The following KCNS3 variants were observed in gnomAD, a reference collection of about 807,000 sequenced individuals.
The protein encoded by KCNS3 is potassium voltage-gated channel modifier subfamily S member 3.
A neutral mutation model predicts 31.0 loss-of-function variants in KCNS3; 13 were observed. That is an observed-to-expected ratio of 0.42 (90% CI 0.27 to 0.67). The LOEUF (loss-of-function observed/expected upper bound fraction) is 0.67, where lower values mean the gene tolerates loss of function less well. Ranked by LOEUF, KCNS3 falls within the 30% of genes least tolerant of loss-of-function variation. The pLI is 0.25. For synonymous variants in KCNS3, 238 were observed against 241.5 expected, an observed-to-expected ratio of 0.99 and a Z score of 0.13; for missense variants, 545 against 622.4, an observed-to-expected ratio of 0.88 and a Z score of 1.32.
At chr2:17,929,763 G>T (rs1206029046) in intron 2 of KCNS3, among the ~76,000 whole-genome samples, 2 of 152,182 alleles carry the variant, frequency 1.3e-5, no homozygotes, top group African/African-American at 4.8e-5. Context: ...AGAAGGTGGG[G>T]GAAGTCTATG....
chr2:17,886,703 TCCATCC>T (rs1284636739), intron 1 of KCNS3, among the ~76,000 whole-genome samples: 1 of 150,942 alleles, frequency 6.6e-6, no homozygotes, highest in African/African-American at 2.4e-5. Flanking sequence ...CATCCATCCA[TCCATCC>T]ATCCATCCCA....
chr2:17,899,351 A>T (rs954020620), intron 1 of KCNS3, among the ~76,000 whole-genome samples: 1 of 152,176 alleles, frequency 6.6e-6, no homozygotes, highest in African/African-American at 2.4e-5. Flanking sequence ...TATTTCTTAT[A>T]ATCAAATTTT....
chr2:17,919,682 C>A (rs1274855265), intron 2 of KCNS3: 1 of 152,268 alleles, frequency 6.6e-6, no homozygotes, highest in Non-Finnish European at 1.5e-5. Context: ...TGTTGTCCAA[C>A]TGTGGCCCAT....
chr2:17,923,990 G>A (rs769633686), intron 2 of KCNS3, among the ~76,000 whole-genome samples: 5 of 151,822 alleles, frequency 3.3e-5, no homozygotes, highest in South Asian at 2.1e-4. Flanking sequence ...CTTTCAATCC[G>A]TGAACATTGG....
intron 1 of KCNS3, among the ~76,000 whole-genome samples, chr2:17,902,239 G>A (rs1018850513): frequency 2.0e-5 from 3 of 152,036 alleles, no homozygotes; most frequent in Admixed American, 6.6e-5. Flanking sequence ...TTAAAAATGG[G>A]GTATTAGGTC....
chr2:17,906,997 C>T (rs1361811705), intron 1 of KCNS3, among the ~76,000 whole-genome samples: 1 of 152,144 alleles, frequency 6.6e-6, no homozygotes, highest in Non-Finnish European at 1.5e-5. Flanking sequence ...GAGCTGAGTT[C>T]AATTCCTGGA....
At chr2:17,928,442 T>C (rs1662884073) in intron 2 of KCNS3, among the ~76,000 whole-genome samples, 1 of 152,200 alleles carries the variant, frequency 6.6e-6, no homozygotes, top group African/African-American at 2.4e-5. Context: ...AATTTTTGTA[T>C]TTTTTGTAGA....
intron 1 of KCNS3, among the ~76,000 whole-genome samples, chr2:17,915,640 A>T (rs933708327): frequency 2.6e-5 from 4 of 152,206 alleles, no homozygotes; most frequent in Non-Finnish European, 5.9e-5. Context: ...AATACCACTT[A>T]TAATGGCTGA....
rs79269185 is a variant in KCNS3 at position 17,915,275 on chromosome 2, A to G, written c.-251-2405A>G. On this transcript the variant is annotated intron_variant, in intron 1 of 2. Coordinates refer to ENST00000304101, the MANE Select transcript of KCNS3 (RefSeq NM_002252.5). ...CAAAGTCAGAAACCTGTTAAGTGCT[A>G]AGTCACAAACAATGCTCTCTTCTTT... Among the ~76,000 whole-genome samples the G allele has an allele frequency of 2.0e-4, 30 of 152,350 alleles. No individual in the cohort carries two copies. The East Asian group carries it at 5.4e-3, about 27-fold the overall frequency.
intron 1 of KCNS3, among the ~76,000 whole-genome samples, chr2:17,896,975 G>A (rs1298672702): frequency 2.0e-5 from 3 of 152,096 alleles, no homozygotes; most frequent in Non-Finnish European, 4.4e-5. Flanking sequence ...TTTGGGGTAT[G>A]ATGGGACCAG....
chr2:17,888,684 T>G (rs1331690967), intron 1 of KCNS3, among the ~76,000 whole-genome samples: 1 of 130,340 alleles, frequency 7.7e-6, no homozygotes, highest in East Asian at 2.2e-4. Context: ...AAGAAAAGGG[T>G]GTTCTTTCCC....
chr2:17,924,539 A>G (rs1662792875), intron 2 of KCNS3, among the ~76,000 whole-genome samples: 1 of 151,936 alleles, frequency 6.6e-6, no homozygotes, highest in African/African-American at 2.4e-5. Flanking sequence ...TTCTATTCTT[A>G]GTTTTTGAGT....
At chr2:17,925,182 A>T (rs937382025) in intron 2 of KCNS3, among the ~76,000 whole-genome samples, 3 of 152,300 alleles carry the variant, frequency 2.0e-5, no homozygotes, top group African/African-American at 7.2e-5. Context: ...ATGAGTTCAG[A>T]CCATGATGAG....
At position 17,881,675 on chromosome 2, in the gene KCNS3, C is replaced by T. The variant is rs182873441; in HGVS notation, c.-252+2869C>T. ...AAAAGGTGAAGCTAGGATTCTATCCCTTGCAGTCTGACTGCAGAGCCACTG... is the reference window on the plus strand; with the variant it reads ...AAAAGGTGAAGCTAGGATTCTATCCTTTGCAGTCTGACTGCAGAGCCACTG... On this transcript the variant is annotated intron_variant, in intron 1 of 2. Transcript: ENST00000304101. Among the ~76,000 whole-genome samples the T allele has an allele frequency of 5.1e-4, 78 of 152,320 alleles. 1 individual carries two copies. The highest frequency in any genetic ancestry group is 1.4e-3 in the Admixed American group (21 of 15,302).
intron 1 of KCNS3, among the ~76,000 whole-genome samples, chr2:17,915,764 T>C (rs757754863): frequency 6.6e-6 from 1 of 152,182 alleles, no homozygotes; most frequent in Non-Finnish European, 1.5e-5. Flanking sequence ...GTGAATGCTC[T>C]TAGAGAGGTG....
intron 1 of KCNS3, among the ~76,000 whole-genome samples, chr2:17,898,266 A>G (rs1224449737): frequency 7.0e-6 from 1 of 142,416 alleles, no homozygotes; most frequent in Non-Finnish European, 1.5e-5. Context: ...TTTTTTGCTT[A>G]AGATTGCTTT....
intron 1 of KCNS3, among the ~76,000 whole-genome samples, chr2:17,881,740 A>G (rs1674647811): frequency 6.6e-6 from 1 of 152,204 alleles, no homozygotes; most frequent in Non-Finnish European, 1.5e-5. Context: ...CAGTTCCAAC[A>G]CTGTTCCCTG....
chr2:17,929,842 A>G (rs1267141855), intron 2 of KCNS3, among the ~76,000 whole-genome samples: 3 of 152,162 alleles, frequency 2.0e-5, no homozygotes, highest in African/African-American at 4.8e-5. Flanking sequence ...TCATTTACCT[A>G]TTATGTACCT....
chr2:17,887,135 A>G (rs1341697046), intron 1 of KCNS3, among the ~76,000 whole-genome samples: 1 of 144,256 alleles, frequency 6.9e-6, no homozygotes, highest in Non-Finnish European at 1.5e-5. Flanking sequence ...ATTTTTCCAT[A>G]AGTTATTTGG....
Sources: allele counts gnomAD v4.1 joint callset (sites outside exome capture counted in the v4.1 genomes callset), GRCh38; gene constraint gnomAD v4.1.1; transcripts MANE v1.5; gene names NCBI Gene and HGNC (gene_info 2026-07-23, HGNC 2026-07-21).